The following CNBD1 variants were observed in gnomAD, a reference collection of about 807,000 sequenced individuals.
CNBD1 encodes the protein cyclic nucleotide-binding domain-containing protein 1.
Under a neutral mutation model 54.4 loss-of-function variants are expected in CNBD1, and 71 were observed. The ratio of observed to expected loss-of-function variants is 1.30; its 90% CI spans 1.08 to 1.59. The LOEUF is 1.59. Among genes scored for constraint, CNBD1 ranks in the 40% most tolerant of loss-of-function variants. The pLI is 0.00. For synonymous variants in CNBD1, 182 were observed against 170.7 expected (o/e 1.07, Z -0.51); for missense variants, 659 against 518.0 (o/e 1.27, Z -2.64).
chr8:87,390,990 G>A (rs28895922), intron 2 of CNBD1, among the ~76,000 whole-genome samples: 1,894 of 149,748 alleles, frequency 0.013, 45 homozygotes, highest in African/African-American at 0.044. Flanking sequence ...CTATCACAAG[G>A]ACAAAAAACC....
rs933607543 is a variant in CNBD1 at position 87,314,785 on chromosome 8, C to T, written c.1042+28114C>T. Among the ~76,000 whole-genome samples the T allele has an allele frequency of 5.3e-5, 8 of 151,756 alleles. No individual in the cohort carries two copies. The East Asian group carries it at 1.5e-3, about 29-fold the overall frequency. On this transcript the variant is annotated intron_variant, in intron 8 of 10. Coordinates refer to ENST00000518476, the MANE Select transcript of CNBD1 (RefSeq NM_173538.3). The stretch of plus-strand genomic sequence containing the variant: ...AGAAGAGGTTACATATATGATAGCA[C>T]CCCAAATACTAAATATCTAGAAAAA...
chr8:86,993,776 G>C (rs1808807860), intron 4 of CNBD1, among the ~76,000 whole-genome samples: 1 of 152,232 alleles, frequency 6.6e-6, no homozygotes, highest in Non-Finnish European at 1.5e-5. Context: ...CTGTTTTAGA[G>C]TAGTGACCAG....
At chr8:87,387,452 A>C (rs928521072), downstream of CNBD1, among the ~76,000 whole-genome samples, 1 of 152,182 alleles carries the variant, frequency 6.6e-6, no homozygotes, top group African/African-American at 2.4e-5. Flanking sequence ...CAGGGGTTGC[A>C]ACTCTAGTCT....
At chr8:87,204,762 T>G (rs920342024) in intron 4 of CNBD1, among the ~76,000 whole-genome samples, 1 of 152,164 alleles carries the variant, frequency 6.6e-6, no homozygotes, top group Non-Finnish European at 1.5e-5. Flanking sequence ...CAGCCTGTGA[T>G]ATTATTTCCT....
chr8:87,383,569 T>G (rs1332548206), downstream of CNBD1, among the ~76,000 whole-genome samples: 1 of 152,136 alleles, frequency 6.6e-6, no homozygotes, highest in East Asian at 1.9e-4. Context: ...CTGCTGCCCA[T>G]GCATTTACAT....
At chr8:87,324,682 A>G (rs1301879271) in intron 8 of CNBD1, among the ~76,000 whole-genome samples, 1 of 151,144 alleles carries the variant, frequency 6.6e-6, no homozygotes, top group East Asian at 1.9e-4. Flanking sequence ...TGTCTATTTG[A>G]TTCTTCTCTC....
chr8:87,038,592 G>A (rs1214451239), intron 4 of CNBD1, among the ~76,000 whole-genome samples: 1 of 152,194 alleles, frequency 6.6e-6, no homozygotes, highest in Non-Finnish European at 1.5e-5. Context: ...AATTATGGGA[G>A]TTACAAATCT....
chr8:87,368,121 C>T (rs1810680680), intron 10 of CNBD1, among the ~76,000 whole-genome samples: 1 of 144,802 alleles, frequency 6.9e-6, no homozygotes, highest in African/African-American at 2.5e-5. Flanking sequence ...TAGATCACAC[C>T]ATTTCACTCC....
At chr8:87,024,398 G>C (rs1466882006) in intron 4 of CNBD1, among the ~76,000 whole-genome samples, 1 of 150,748 alleles carries the variant, frequency 6.6e-6, no homozygotes, top group Non-Finnish European at 1.5e-5. Context: ...GGAGTGCAGT[G>C]GCATGATCTT....
intron 4 of CNBD1, among the ~76,000 whole-genome samples, chr8:87,180,425 T>A (rs748179182): frequency 6.6e-6 from 1 of 152,168 alleles, no homozygotes; most frequent in African/African-American, 2.4e-5. Context: ...TGTGTTGTCT[T>A]GTATTATTTT....
At chr8:87,228,684 C>T (rs1354761325) in intron 5 of CNBD1, among the ~76,000 whole-genome samples, 2 of 151,684 alleles carry the variant, frequency 1.3e-5, no homozygotes, top group African/African-American at 4.9e-5. Flanking sequence ...GAAGTTACTG[C>T]TGTCTTTTTG....
chr8:86,953,752 A>G (rs1327452692), intron 4 of CNBD1, among the ~76,000 whole-genome samples: 2 of 152,144 alleles, frequency 1.3e-5, no homozygotes, highest in Non-Finnish European at 2.9e-5. Flanking sequence ...CTGTAATCCC[A>G]GCTACTCAGG....
intron 3 of CNBD1, among the ~76,000 whole-genome samples, chr8:86,928,950 G>T (rs1342286991): frequency 6.6e-6 from 1 of 152,182 alleles, no homozygotes; most frequent in Non-Finnish European, 1.5e-5. Flanking sequence ...TAACCACCCT[G>T]AGGGGAGAAA....
intron 3 of CNBD1, among the ~76,000 whole-genome samples, chr8:86,927,903 C>T (rs1278272519): frequency 1.3e-5 from 2 of 152,030 alleles, no homozygotes; most frequent in Non-Finnish European, 2.9e-5. Flanking sequence ...GCTGGTCTGG[C>T]TGATTTTGGG....
At position 87,215,247 on chromosome 8, in the gene CNBD1, T is replaced by C. The variant is rs74612952; in HGVS notation, c.577+9109T>C. Among the ~76,000 whole-genome samples the C allele has an allele frequency of 2.6e-5, 4 of 152,302 alleles. No individual in the cohort carries two copies. In the East Asian group the frequency reaches 7.7e-4, roughly 29 times the overall value. On this transcript the variant is annotated intron_variant, in intron 5 of 10. Transcript: ENST00000518476. ...TCACAAAAGGCCACGTGTTTATGAC[T>C]GCTTTTATATGAAATCTCCAGAATA...
At chr8:87,335,205 A>G (rs1443378321) in intron 8 of CNBD1, among the ~76,000 whole-genome samples, 2 of 152,270 alleles carry the variant, frequency 1.3e-5, no homozygotes, top group Non-Finnish European at 1.5e-5. Context: ...AGAGTTCTGT[A>G]GGTATCTATT....
chr8:87,298,419 C>T (rs1057168060), intron 8 of CNBD1, among the ~76,000 whole-genome samples: 8 of 152,050 alleles, frequency 5.3e-5, no homozygotes, highest in African/African-American at 1.2e-4. Context: ...ATCACTACAC[C>T]CTGACCCATT....
At chr8:87,313,338 A>T (rs1320149853) in intron 8 of CNBD1, among the ~76,000 whole-genome samples, 1 of 152,080 alleles carries the variant, frequency 6.6e-6, no homozygotes, top group Non-Finnish European at 1.5e-5. Context: ...AAGAAATGAC[A>T]TGTGTCTGAA....
intron 4 of CNBD1, among the ~76,000 whole-genome samples, chr8:87,198,078 A>G (rs992957456): frequency 3.3e-5 from 5 of 152,258 alleles, no homozygotes; most frequent in African/African-American, 1.2e-4. Context: ...AAACCTGGAA[A>G]TTAGTCAAAT....
Sources: gnomAD v4.1 joint callset for allele counts (sites outside exome capture counted in the v4.1 genomes callset) on GRCh38, gnomAD v4.1.1 for gene constraint, MANE v1.5 for transcripts, NCBI Gene and HGNC (gene_info 2026-07-23, HGNC 2026-07-21) for gene names.